Variants in BASP1 observed in about 807,000 individuals in gnomAD.
BASP1 encodes the protein brain abundant membrane attached signal protein 1.
A neutral mutation model predicts 2.2 loss-of-function variants in BASP1; 1 was observed. The observed-to-expected ratio is 0.46, with a 90% CI of 0.16 to 2.17. The LOEUF (loss-of-function observed/expected upper bound fraction) is 2.17. Among genes scored for constraint, BASP1 ranks in the 30% most tolerant of loss-of-function variants. The pLI is 0.27. For missense variants in BASP1, 352 were observed against 327.2 expected, an observed-to-expected ratio of 1.08 and a Z score of -0.58; for synonymous variants, 187 against 154.2, an observed-to-expected ratio of 1.21 and a Z score of -1.58.
intron 1 of BASP1, among the ~76,000 whole-genome samples, chr5:17,230,691 G>A (rs1225002573): frequency 6.6e-6 from 1 of 152,052 alleles, no homozygotes; most frequent in East Asian, 1.9e-4. Flanking sequence ...AGCCTCCCAA[G>A]TAGGTGGGAT....
At chr5:17,233,721 C>T (rs1014092863) in intron 1 of BASP1, among the ~76,000 whole-genome samples, 9 of 151,138 alleles carry the variant, frequency 6.0e-5, no homozygotes, top group African/African-American at 1.5e-4. Flanking sequence ...GTGACTGATA[C>T]GCCTTTTGAT....
chr5:17,275,766 A>G lies in BASP1; in HGVS notation c.550A>G (p.Lys184Glu), dbSNP rs1157515560. The G allele has an allele frequency of 2.5e-6, 4 of 1,612,686 alleles. No individual in the cohort carries two copies. In the South Asian group the frequency reaches 4.4e-5, roughly 18 times the overall value. Residue 184 changes from lysine to glutamate, a missense_variant, in exon 2 of 2, where the codon AAG (lysine) becomes GAG (glutamate). Physicochemically the swap from Lys to Glu is moderately conservative, Grantham distance 56. Transcript: ENST00000322611. This position sits in a 1 kb window ranked among gnomAD's most constrained non-coding sequence, Gnocchi z 5.3. ...CAGCTCGGAGGCTGCCCCCTCTTCC[A>G]AGGAGACCCCCGCAGCCACGGAAGC... ...PGSSEAAPSSKETPAATEAPS... is the reference protein window; with the variant it reads ...PGSSEAAPSSEETPAATEAPS...
chr5:17,266,814 CA>C (rs70943882), intron 1 of BASP1, among the ~76,000 whole-genome samples: 609 of 111,384 alleles, frequency 5.5e-3, no homozygotes, highest in African/African-American at 0.015. Context: ...GATCCTGTCT[CA>C]AAAAAAAAAA....
At chr5:17,256,172 T>C (rs1740206710) in intron 1 of BASP1, among the ~76,000 whole-genome samples, 1 of 152,200 alleles carries the variant, frequency 6.6e-6, no homozygotes, top group Non-Finnish European at 1.5e-5. Flanking sequence ...CATTCCAAGG[T>C]GAATCCAGAA....
chr5:17,240,764 G>T (rs894496251), intron 1 of BASP1: 3 of 152,046 alleles, frequency 2.0e-5, no homozygotes, highest in African/African-American at 7.2e-5. Context: ...TTTTGTCTTT[G>T]ATCTTGGACT....
intron 1 of BASP1, among the ~76,000 whole-genome samples, chr5:17,246,354 G>A (rs1739990492): frequency 1.3e-5 from 2 of 152,142 alleles, no homozygotes; most frequent in Admixed American, 6.5e-5. Context: ...TGGGAGTGGT[G>A]GTGCGCACCT....
At chr5:17,235,452 C>T (rs1051099107) in intron 1 of BASP1, among the ~76,000 whole-genome samples, 4 of 151,808 alleles carry the variant, frequency 2.6e-5, no homozygotes, top group East Asian at 1.9e-4. Flanking sequence ...TTAGTAGAGA[C>T]GGGGTTTCAC....
At chr5:17,245,252 A>G (rs1446337892) in intron 1 of BASP1, among the ~76,000 whole-genome samples, 1 of 149,796 alleles carries the variant, frequency 6.7e-6, no homozygotes, top group Non-Finnish European at 1.5e-5. Flanking sequence ...CCGTGAGCTG[A>G]GCTCACACCA....
chr5:17,234,262 TCTG>T (rs1739694838), intron 1 of BASP1, among the ~76,000 whole-genome samples: 2 of 152,242 alleles, frequency 1.3e-5, no homozygotes. Context: ...ATCTCAGTCT[TCTG>T]CTATTGTAGG....
chr5:17,260,954 T>C lies in BASP1; in HGVS notation c.-9-14254T>C, dbSNP rs997221355. On this transcript the variant is annotated intron_variant, in intron 1 of 1. Coordinates refer to ENST00000322611, the MANE Select transcript of BASP1 (RefSeq NM_006317.5). The surrounding 1 kb of genome is among the most constrained non-coding windows in gnomAD (Gnocchi z 4.2). Reference sequence around the variant, plus strand: ...ACTTTGGGAGACCAGGGTGGGAGGATTGATTGCTTGAGCTCAGGAGTTAAA... The same window carrying C: ...ACTTTGGGAGACCAGGGTGGGAGGACTGATTGCTTGAGCTCAGGAGTTAAA... 2.0e-5 allele frequency among the ~76,000 whole-genome samples: 3 copies of C among 152,212 alleles called. No individual in the cohort carries two copies. Among genetic ancestry groups the C allele is most frequent in the Non-Finnish European group, 2.9e-5 (2 of 68,036 alleles).
At chr5:17,241,036 G>A (rs1292385347) in intron 1 of BASP1, among the ~76,000 whole-genome samples, 1 of 151,632 alleles carries the variant, frequency 6.6e-6, no homozygotes, top group Admixed American at 6.6e-5. Flanking sequence ...GCACAGGCTT[G>A]CCTAGTGCTT....
At chr5:17,219,521 C>T (rs1272854534) in intron 1 of BASP1, among the ~76,000 whole-genome samples, 1 of 152,162 alleles carries the variant, frequency 6.6e-6, no homozygotes, top group African/African-American at 2.4e-5. Context: ...TAGTACTGTT[C>T]ATTGTTCTTT....
At chr5:17,218,755 C>T (rs1233187700) in intron 1 of BASP1, among the ~76,000 whole-genome samples, 1 of 151,530 alleles carries the variant, frequency 6.6e-6, no homozygotes, top group Non-Finnish European at 1.5e-5. Flanking sequence ...CCCCGTCCCC[C>T]CTCCATTTCC....
chr5:17,240,166 A>ATAAT (rs1027606785), intron 1 of BASP1, among the ~76,000 whole-genome samples: 1 of 147,176 alleles, frequency 6.8e-6, no homozygotes, highest in African/African-American at 2.5e-5. Flanking sequence ...AAATAAATAA[A>ATAAT]TAACAGGTTG....
intron 1 of BASP1, among the ~76,000 whole-genome samples, chr5:17,272,050 CAGACTG>C (rs375166491): frequency 4.0e-4 from 54 of 134,100 alleles, no homozygotes; most frequent in African/African-American, 1.4e-3. Flanking sequence ...GCCTAGGTGA[CAGACTG>C]AGACTGCATT....
intron 1 of BASP1, among the ~76,000 whole-genome samples, chr5:17,274,112 T>C (rs943229235): frequency 9.2e-5 from 14 of 152,324 alleles, no homozygotes; most frequent in African/African-American, 3.1e-4. Context: ...CAAATACAAA[T>C]GGAGTTTCTT....
At chr5:17,248,518 A>G (rs1003687694) in intron 1 of BASP1, among the ~76,000 whole-genome samples, 1 of 152,166 alleles carries the variant, frequency 6.6e-6, no homozygotes, top group Admixed American at 6.5e-5. Flanking sequence ...TTCAGCCCCA[A>G]TTGGACATGA....
intron 1 of BASP1, among the ~76,000 whole-genome samples, chr5:17,220,577 T>C (rs1419599627): frequency 6.6e-6 from 1 of 152,206 alleles, no homozygotes; most frequent in East Asian, 1.9e-4. Flanking sequence ...TTGAGCCTTT[T>C]GATAAAAAGC....
chr5:17,237,531 G>A (rs1233748439), intron 1 of BASP1, among the ~76,000 whole-genome samples: 4 of 151,892 alleles, frequency 2.6e-5, no homozygotes, highest in Non-Finnish European at 5.9e-5. Context: ...ATCTATAGTT[G>A]AGCTTGCACA....
Sources: gnomAD v4.1 joint callset for allele counts (sites outside exome capture counted in the v4.1 genomes callset) on GRCh38, gnomAD v4.1.1 for gene constraint, Gnocchi (gnomAD v3.1) non-coding constraint, MANE v1.5 for transcripts, NCBI Gene and HGNC (gene_info 2026-07-23, HGNC 2026-07-21) for gene names.